Variants in SPIDR observed in about 807,000 individuals in gnomAD.
SPIDR encodes scaffold protein involved in DNA repair, also known as DNA repair-scaffolding protein.
Under a neutral mutation model 104.6 loss-of-function variants are expected in SPIDR, and 93 were observed. That is an observed-to-expected ratio of 0.89 (90% confidence interval 0.75 to 1.06). The LOEUF (loss-of-function observed/expected upper bound fraction) is 1.06, where lower values mean the gene tolerates loss of function less well. Ranked by LOEUF, SPIDR falls within the 50% of genes least tolerant of loss-of-function variation. The probability of loss-of-function intolerance (pLI) is 0.00; values close to 1 mark genes in which losing one functional copy is unlikely to be tolerated. For synonymous variants in SPIDR, 431 were observed against 416.9 expected (o/e 1.03, Z -0.41); for missense variants, 1,154 against 1,111.2 (o/e 1.04, Z -0.55).
At chr8:47,414,914 T>G (rs10092169) in intron 7 of SPIDR, among the ~76,000 whole-genome samples, 108 of 152,294 alleles carry the variant, frequency 7.1e-4, no homozygotes, top group African/African-American at 2.1e-3. Flanking sequence ...GTTTTGTTTT[T>G]TTTCTTTGAG....
intron 8 of SPIDR, among the ~76,000 whole-genome samples, chr8:47,489,672 G>A (rs2078328294): frequency 6.6e-6 from 1 of 152,182 alleles, no homozygotes. Flanking sequence ...CAATGGAACA[G>A]AACAGAGCCG....
chr8:47,697,141 C>A (rs928067163), intron 11 of SPIDR, among the ~76,000 whole-genome samples: 1 of 151,936 alleles, frequency 6.6e-6, no homozygotes, highest in Non-Finnish European at 1.5e-5. Context: ...TCAGAAAGTG[C>A]CTCTTACATT....
intron 7 of SPIDR, among the ~76,000 whole-genome samples, chr8:47,440,083 T>G (rs2069113740): frequency 6.6e-6 from 1 of 152,212 alleles, no homozygotes; most frequent in South Asian, 2.1e-4. Context: ...ACAGAAGACT[T>G]TATTTTATGC....
At chr8:47,650,158 C>A (rs2071355519) in intron 10 of SPIDR, among the ~76,000 whole-genome samples, 1 of 152,170 alleles carries the variant, frequency 6.6e-6, no homozygotes, top group Non-Finnish European at 1.5e-5. Flanking sequence ...AAGAGGAAGT[C>A]AAACTGTTAC....
intron 8 of SPIDR, among the ~76,000 whole-genome samples, chr8:47,571,302 C>T (rs1442485901): frequency 6.6e-6 from 1 of 152,110 alleles, no homozygotes; most frequent in South Asian, 2.1e-4. Flanking sequence ...TAAGCATACA[C>T]ATAGAACATG....
At chr8:47,566,198 GT>G (rs2057819907) in intron 8 of SPIDR, among the ~76,000 whole-genome samples, 1 of 150,646 alleles carries the variant, frequency 6.6e-6, no homozygotes, top group Non-Finnish European at 1.5e-5. Flanking sequence ...TAGAGGTGGG[GT>G]TTCTCCATGT....
chr8:47,654,059 G>T lies in SPIDR; in HGVS notation c.1545-19742G>T. Reference sequence around the variant, plus strand: ...GGGAGCCAAGACAGATAGGGGCGTGGTAGCAGCATCTTGATCTTCTTAGGC... The same window carrying T: ...GGGAGCCAAGACAGATAGGGGCGTGTTAGCAGCATCTTGATCTTCTTAGGC... On this transcript the variant is annotated intron_variant, in intron 10 of 19. Transcript: ENST00000297423. 3.1e-6 allele frequency: 4 copies of T among 1,289,654 alleles called. No individual in the cohort carries two copies. In the South Asian group the frequency reaches 4.9e-5, roughly 16 times the overall value. The allele number at this position is 1,289,654 out of a possible 1,614,324, so 79.9% of individuals were successfully genotyped here.
intron 5 of SPIDR, among the ~76,000 whole-genome samples, chr8:47,382,597 G>A (rs1254682630): frequency 6.6e-6 from 1 of 152,048 alleles, no homozygotes; most frequent in East Asian, 1.9e-4. Flanking sequence ...ATTTTTAGTA[G>A]AGACGTGGTT....
chr8:47,366,153 T>C (rs982013801), intron 5 of SPIDR, among the ~76,000 whole-genome samples: 1 of 152,150 alleles, frequency 6.6e-6, no homozygotes, highest in East Asian at 1.9e-4. Flanking sequence ...TTTTTGGAGC[T>C]GACCGTTCCC....
intron 5 of SPIDR, among the ~76,000 whole-genome samples, chr8:47,303,875 C>A (rs1194555678): frequency 2.6e-5 from 4 of 152,094 alleles, no homozygotes; most frequent in African/African-American, 9.7e-5. Context: ...CAGGGTTTCA[C>A]CGTATTGGCC....
intron 8 of SPIDR, among the ~76,000 whole-genome samples, chr8:47,592,809 G>A (rs2061203940): frequency 6.6e-6 from 1 of 152,170 alleles, no homozygotes; most frequent in South Asian, 2.1e-4. Flanking sequence ...AAAGCCTCTT[G>A]TATGTACCTG....
chr8:47,648,077 T>C (rs1433931136), intron 10 of SPIDR, among the ~76,000 whole-genome samples: 2 of 152,180 alleles, frequency 1.3e-5, no homozygotes, highest in African/African-American at 4.8e-5. Flanking sequence ...CTGGAACCCC[T>C]GTAGAAGTGA....
chr8:47,540,660 A>G (rs999263549), intron 8 of SPIDR, among the ~76,000 whole-genome samples: 4 of 152,060 alleles, frequency 2.6e-5, no homozygotes, highest in African/African-American at 9.7e-5. Flanking sequence ...AGTACTACTT[A>G]CCACCCTCTG....
chr8:47,731,071 A>G (rs1287308073), intron 19 of SPIDR, among the ~76,000 whole-genome samples: 2 of 152,066 alleles, frequency 1.3e-5, no homozygotes, highest in African/African-American at 4.8e-5. Flanking sequence ...CAGCCTGGCC[A>G]ACATGGTGAC....
At chr8:47,589,586 CTG>C (rs1392285816) in intron 8 of SPIDR, among the ~76,000 whole-genome samples, 10 of 151,356 alleles carry the variant, frequency 6.6e-5, no homozygotes, top group Non-Finnish European at 1.5e-4. Flanking sequence ...TTCAAATAAT[CTG>C]TTTCATATAG....
chr8:47,354,773 C>A (rs1343632963), intron 5 of SPIDR, among the ~76,000 whole-genome samples: 1 of 151,938 alleles, frequency 6.6e-6, no homozygotes, highest in Non-Finnish European at 1.5e-5. Flanking sequence ...TCTTGAGTAG[C>A]TGGGACTGTA....
At chr8:47,414,777 G>A (rs879995693) in intron 7 of SPIDR, among the ~76,000 whole-genome samples, 2 of 152,096 alleles carry the variant, frequency 1.3e-5, no homozygotes, top group African/African-American at 2.4e-5. Context: ...AATAAAACGT[G>A]CTGTGAACAT....
In SPIDR at chr8:47,692,678, C is replaced by T. The variant is rs58085598; in HGVS notation, c.1686-7725C>T. ...ACACCCAGCTAATTCGAACTCCTGA[C>T]CTCCGGTGACCGACCTGCCTCATCC... is the stretch of plus-strand genomic sequence containing the variant. On this transcript the variant is annotated intron_variant, in intron 11 of 19. Transcript: ENST00000297423. 5.7e-3 allele frequency among the ~76,000 whole-genome samples: 869 copies of T among 151,658 alleles called. 6 individuals are homozygous for T. The highest frequency in any genetic ancestry group is 0.02 in the African/African-American group (831 of 41,372).
chr8:47,432,463 T>A (rs1284562742), intron 7 of SPIDR, among the ~76,000 whole-genome samples: 1 of 152,214 alleles, frequency 6.6e-6, no homozygotes, highest in Non-Finnish European at 1.5e-5. Context: ...CCACATGCTT[T>A]ACATCAGTTT....
Sources: allele counts gnomAD v4.1 joint callset (sites outside exome capture counted in the v4.1 genomes callset), GRCh38; gene constraint gnomAD v4.1.1; transcripts MANE v1.5; gene names NCBI Gene and HGNC (gene_info 2026-07-23, HGNC 2026-07-21).